Variants in NFU1 observed in about 807,000 individuals in gnomAD.
NFU1 encodes the protein NFU1 iron-sulfur cluster scaffold, also known as NFU1 iron-sulfur cluster scaffold homolog, mitochondrial.
In NFU1, 30 loss-of-function variants were observed where a neutral mutation model predicts 32.2. The ratio of observed to expected loss-of-function variants is 0.93; its 90% confidence interval spans 0.70 to 1.26. The LOEUF is 1.26. NFU1 is among the 50% of genes most tolerant of loss of function. The probability of loss-of-function intolerance (pLI) is 0.00; values close to 1 mark genes in which losing one functional copy is unlikely to be tolerated. For missense variants in NFU1, 306 were observed against 306.6 expected, an observed-to-expected ratio of 1.00 and a Z score of 0.02; for synonymous variants, 112 against 104.6, an observed-to-expected ratio of 1.07 and a Z score of -0.43.
chr2:69,438,905 C>T (rs1381675498), upstream of NFU1, among the ~76,000 whole-genome samples: 45 of 120,344 alleles, frequency 3.7e-4, no homozygotes, highest in African/African-American at 1.4e-3. Flanking sequence ...ACCCCCCACC[C>T]ACCCCCCCAC....
upstream of NFU1, among the ~76,000 whole-genome samples, chr2:69,438,849 GAT>G (rs1673948889): frequency 8.1e-6 from 1 of 123,510 alleles, no homozygotes; most frequent in African/African-American, 5.2e-5. Context: ...AACTACTAGT[GAT>G]CTTCCCCCAT....
At chr2:69,404,615 A>ATATATTTTTTTTTTTTTTTTTTTTTT (rs1426118283) in intron 6 of NFU1, among the ~76,000 whole-genome samples, 1 of 73,008 alleles carries the variant, frequency 1.4e-5, no homozygotes, top group African/African-American at 6.3e-5. Context: ...ATCTTAGCAA[A>ATATATTTTTTTTTTTTTTTTTTTTTT]TTTTTTTTTT....
chr2:69,404,499 T>A (rs768348222), intron 6 of NFU1, among the ~76,000 whole-genome samples: 1 of 150,508 alleles, frequency 6.6e-6, no homozygotes, highest in Non-Finnish European at 1.5e-5. Context: ...AAAAAAAAAA[T>A]ATCTGTATAC....
intron 7 of NFU1, among the ~76,000 whole-genome samples, chr2:69,398,677 G>A (rs1672415534): frequency 6.6e-6 from 1 of 152,158 alleles, no homozygotes; most frequent in Admixed American, 6.5e-5. Flanking sequence ...TAAGCCCTGA[G>A]TCTAGCGGGT....
At chr2:69,427,385 C>CA (rs899491409) in intron 2 of NFU1, among the ~76,000 whole-genome samples, 1,721 of 130,968 alleles carry the variant, frequency 0.013, 32 homozygotes, top group African/African-American at 0.047. Context: ...AACTCCATCT[C>CA]AAAAAAAAAT....
chr2:69,407,674 C>CAAA (rs200321994), intron 5 of NFU1, among the ~76,000 whole-genome samples: 2 of 103,112 alleles, frequency 1.9e-5, no homozygotes, highest in Admixed American at 1.1e-4. Flanking sequence ...GACTCTATCT[C>CAAA]AAAAAAAAAA....
upstream of NFU1, chr2:69,437,442 G>C: frequency 3.7e-6 from 6 of 1,608,990 alleles, no homozygotes; most frequent in African/African-American, 1.3e-5. Context: ...GAGTGCCTAA[G>C]GGTCTCCCTG....
chr2:69,420,837 A>C (rs1254858607), intron 3 of NFU1, among the ~76,000 whole-genome samples: 1 of 152,236 alleles, frequency 6.6e-6, no homozygotes, highest in African/African-American at 2.4e-5. Flanking sequence ...TGTAAGGGTG[A>C]AAAAATAGTG....
intron 2 of NFU1, among the ~76,000 whole-genome samples, chr2:69,431,537 G>A (rs1170791092): frequency 6.6e-6 from 1 of 152,122 alleles, no homozygotes; most frequent in Non-Finnish European, 1.5e-5. Context: ...AAACTCCTGG[G>A]CTCAAGCGAT....
At chr2:69,414,752 G>T (rs980644296) in intron 5 of NFU1, among the ~76,000 whole-genome samples, 4 of 151,846 alleles carry the variant, frequency 2.6e-5, no homozygotes, top group African/African-American at 9.7e-5. Context: ...AACTAGGAAG[G>T]GAAAAGGGAT....
At chr2:69,433,247 C>T (rs1413456375) in intron 1 of NFU1, among the ~76,000 whole-genome samples, 3 of 151,874 alleles carry the variant, frequency 2.0e-5, no homozygotes, top group South Asian at 2.1e-4. Context: ...GGCACAATCT[C>T]GGCTCACTGC....
intron 7 of NFU1, among the ~76,000 whole-genome samples, chr2:69,399,892 G>A (rs78498078): frequency 7.8e-6 from 1 of 128,124 alleles, no homozygotes; most frequent in South Asian, 2.4e-4. Flanking sequence ...TTTTTTTTTT[G>A]ACGGAGTTTC....
chr2:69,437,401 C>T lies in NFU1; in HGVS notation c.22G>A (p.Gly8Ser), dbSNP rs776677285. The change falls in exon 1 of 8, where the codon GGC (glycine) becomes AGC (serine). Residue 8 changes from glycine (G) to serine (S), a missense_variant. Coordinates refer to ENST00000410022, the MANE Select transcript of NFU1 (RefSeq NM_001002755.4). The stretch of plus-strand genomic sequence containing the variant: ...GCGGCAACAGCCGCAGCTCCCCAGC[C>T]CCGCCTGGCCGTCGCCGCCATCTTA... MAATARR[G>S]WGAAAVAAGL... The T allele has an allele frequency of 5.0e-6, 8 of 1,610,504 alleles. No individual in the cohort carries two copies. In the African/African-American group the frequency reaches 8.0e-5, roughly 16 times the overall value.
Position 69,396,258 on chromosome 2 carries a change from T to C in NFU1, c.753A>G (p.Ala251=). Residue 251 remains alanine (A), a synonymous_variant, in exon 8 of 8, where the codon GCA becomes GCG. Coordinates refer to ENST00000410022, the MANE Select transcript of NFU1 (RefSeq NM_001002755.4). ...VMDDESDEKE[A]NSP is the part of the protein sequence containing the mutation. The stretch of plus-strand genomic sequence containing the variant: ...AATCCAGATTATTTTAAGGTGAGTT[T>C]GCTTCTTTTTCATCTGATTCATCAT... 1 of 1,611,526 alleles carries C rather than the reference T, an allele frequency of 6.2e-7. No homozygotes were observed. The highest frequency in any genetic ancestry group is 1.7e-5 in the Admixed American group (1 of 59,992).
At chr2:69,397,783 G>A (rs894142710) in intron 7 of NFU1, among the ~76,000 whole-genome samples, 15 of 151,704 alleles carry the variant, frequency 9.9e-5, no homozygotes, top group East Asian at 5.8e-4. Flanking sequence ...GCGTGGTGGC[G>A]CGCGCCTGTA....
At chr2:69,396,115 C>T (rs753447768), downstream of NFU1, 2 of 739,630 alleles carry the variant, frequency 2.7e-6, no homozygotes, top group Non-Finnish European at 4.6e-6. Context: ...AGCAAACATG[C>T]AATATTTATA....
rs776868352 is a variant in NFU1 at position 69,423,629 on chromosome 2, G to C, written c.255C>G (p.Thr85=). ...CTGCAGCTGGGGTGGGAAAATCCATGGTCCTTGTCTCAAGAACTGGTTTTC... is the reference window on the plus strand; with the variant it reads ...CTGCAGCTGGGGTGGGAAAATCCATCGTCCTTGTCTCAAGAACTGGTTTTC... ...IPGKPVLETR[T]MDFPTPAAAF... is the part of the protein sequence containing the mutation. The change falls in exon 3 of 8, where the codon ACC becomes ACG. Residue 85 remains threonine, a synonymous_variant. Coordinates refer to ENST00000410022, the MANE Select transcript of NFU1 (RefSeq NM_001002755.4). The C allele has an allele frequency of 6.2e-7, 1 of 1,613,576 alleles. No individual in the cohort carries two copies. The highest frequency in any genetic ancestry group is 1.7e-5 in the Admixed American group (1 of 59,974).
At chr2:69,421,659 C>T (rs1302776676) in intron 3 of NFU1, among the ~76,000 whole-genome samples, 1 of 150,804 alleles carries the variant, frequency 6.6e-6, no homozygotes, top group Non-Finnish European at 1.5e-5. Flanking sequence ...GCTCTGCCTC[C>T]CGGGTTCATG....
At chr2:69,404,257 C>T (rs911399771) in intron 6 of NFU1, among the ~76,000 whole-genome samples, 37 of 151,158 alleles carry the variant, frequency 2.4e-4, no homozygotes, top group Non-Finnish European at 3.5e-4. Flanking sequence ...TTTGGGAGGC[C>T]GAGGAGGGTA....
Sources: allele counts gnomAD v4.1 joint callset (sites outside exome capture counted in the v4.1 genomes callset), GRCh38; gene constraint gnomAD v4.1.1; transcripts MANE v1.5; gene names NCBI Gene and HGNC (gene_info 2026-07-23, HGNC 2026-07-21).